LINGO1: variants seen among roughly 807,000 people sequenced by gnomAD.
The protein encoded by LINGO1 is leucine rich repeat and Ig domain containing 1.
A neutral mutation model predicts 37.3 loss-of-function variants in LINGO1; 11 were observed. The ratio of observed to expected loss-of-function variants is 0.29; its 90% CI spans 0.19 to 0.49. The LOEUF (loss-of-function observed/expected upper bound fraction) is 0.49. LINGO1 is among the 20% of genes least tolerant of loss of function. The probability of loss-of-function intolerance (pLI) is 0.99; values close to 1 mark genes in which losing one functional copy is unlikely to be tolerated. For missense variants in LINGO1, 585 were observed against 878.2 expected (o/e 0.67, Z 4.22); for synonymous variants, 387 against 403.0 (o/e 0.96, Z 0.48).
chr15:77,704,439 C>A (rs920398099), intron 2 of LINGO1, among the ~76,000 whole-genome samples: 2 of 152,032 alleles, frequency 1.3e-5, no homozygotes, highest in Non-Finnish European at 2.9e-5. Context: ...AATCCCGACC[C>A]TGGTCAGACA....
chr15:77,703,887 T>C (rs886282544), intron 2 of LINGO1, among the ~76,000 whole-genome samples: 1 of 152,080 alleles, frequency 6.6e-6, no homozygotes, highest in Admixed American at 6.6e-5. Context: ...GTCCCCAGTC[T>C]AGGCAGAAAG....
intron 1 of LINGO1, among the ~76,000 whole-genome samples, chr15:77,777,957 A>AAGGG (rs1416442988): frequency 6.3e-5 from 9 of 142,102 alleles, no homozygotes; most frequent in African/African-American, 1.8e-4. Flanking sequence ...GGAATGAAGG[A>AAGGG]AGGGAGGGAG....
At chr15:77,721,979 G>C (rs913007424) in intron 2 of LINGO1, among the ~76,000 whole-genome samples, 1 of 151,986 alleles carries the variant, frequency 6.6e-6, no homozygotes, top group African/African-American at 2.4e-5. Flanking sequence ...TGCTCATCAA[G>C]TACCTGCTCA....
chr15:77,740,540 G>A (rs918107617), intron 1 of LINGO1, among the ~76,000 whole-genome samples: 1 of 152,156 alleles, frequency 6.6e-6, no homozygotes, highest in Non-Finnish European at 1.5e-5. Context: ...TGCCCACACA[G>A]GTCACGCTGT....
chr15:77,749,483 A>G (rs960546894), intron 1 of LINGO1, among the ~76,000 whole-genome samples: 13 of 152,358 alleles, frequency 8.5e-5, no homozygotes, highest in African/African-American at 3.1e-4. Flanking sequence ...AAGAAAACAA[A>G]AGAGACTCAG....
intron 2 of LINGO1, among the ~76,000 whole-genome samples, chr15:77,709,920 C>T (rs1478789624): frequency 3.3e-5 from 5 of 152,224 alleles, no homozygotes; most frequent in African/African-American, 4.8e-5. Flanking sequence ...AGACCCCACA[C>T]GGTGTCCCCA....
chr15:77,650,443 G>A (rs2074734805), intron 3 of LINGO1, among the ~76,000 whole-genome samples: 1 of 152,248 alleles, frequency 6.6e-6, no homozygotes, highest in Non-Finnish European at 1.5e-5. Flanking sequence ...AAGACTAGCA[G>A]AGGGTCGCCA....
chr15:77,645,271 T>C (rs1349756336), intron 3 of LINGO1, among the ~76,000 whole-genome samples: 2 of 152,100 alleles, frequency 1.3e-5, no homozygotes, highest in Non-Finnish European at 2.9e-5. Context: ...AGCCAGCTTG[T>C]AGGGACTCCA....
chr15:77,787,677 G>A (rs1264609183), upstream of LINGO1, among the ~76,000 whole-genome samples: 2 of 152,034 alleles, frequency 1.3e-5, no homozygotes, highest in Non-Finnish European at 1.5e-5. Context: ...CATCCCACAC[G>A]AGGCCGGTGT....
chr15:77,640,461 G>A (rs1176672654), intron 3 of LINGO1, among the ~76,000 whole-genome samples: 1 of 152,198 alleles, frequency 6.6e-6, no homozygotes, highest in Non-Finnish European at 1.5e-5. Flanking sequence ...CACATACTAG[G>A]TGCTTTTACA....
intron 2 of LINGO1, among the ~76,000 whole-genome samples, chr15:77,713,973 G>A (rs1686013260): frequency 6.6e-6 from 1 of 152,074 alleles, no homozygotes; most frequent in Non-Finnish European, 1.5e-5. Context: ...GGTGGTCCTT[G>A]GCTTTGCCCA....
At chr15:77,696,453 C>G (rs1185410079) in exon 1 of LINGO1, 2 of 152,494 alleles carry the variant, frequency 1.3e-5, no homozygotes, top group East Asian at 3.9e-4. Flanking sequence ...CCCTGAGCCT[C>G]TTGGAATCTC....
chr15:77,628,913 A>T (rs2142578460), intron 1 of LINGO1, among the ~76,000 whole-genome samples: 1 of 152,328 alleles, frequency 6.6e-6, no homozygotes, highest in East Asian at 1.9e-4. Context: ...ACCTACAAGG[A>T]TAAGATCATG....
intron 3 of LINGO1, among the ~76,000 whole-genome samples, chr15:77,659,001 C>CT (rs1214641102): frequency 1.3e-5 from 2 of 152,162 alleles, no homozygotes; most frequent in Admixed American, 1.3e-4. Flanking sequence ...GTGCAAAGGT[C>CT]ACAGATTGTA....
chr15:77,693,530 G>C (rs967166953), intron 1 of LINGO1, among the ~76,000 whole-genome samples: 2 of 152,192 alleles, frequency 1.3e-5, no homozygotes, highest in Non-Finnish European at 2.9e-5. Context: ...AAGGGCTTTG[G>C]ATTTCATCCC....
chr15:77,678,544 C>T (rs974628211), intron 2 of LINGO1, among the ~76,000 whole-genome samples: 1 of 152,118 alleles, frequency 6.6e-6, no homozygotes, highest in African/African-American at 2.4e-5. Context: ...CATAGTACTC[C>T]GTTGTTTATC....
intron 1 of LINGO1, among the ~76,000 whole-genome samples, chr15:77,620,389 C>T (rs1595989663): frequency 6.6e-6 from 1 of 152,244 alleles, no homozygotes; most frequent in Non-Finnish European, 1.5e-5. Context: ...AGCCATCAGA[C>T]CAGCACTGCA....
At chr15:77,701,210 A>G (rs2075778269), upstream of LINGO1, among the ~76,000 whole-genome samples, 1 of 152,160 alleles carries the variant, frequency 6.6e-6, no homozygotes, top group Admixed American at 6.5e-5. Context: ...TGACACAGGA[A>G]TTGGGTGCAT....
intron 2 of LINGO1, among the ~76,000 whole-genome samples, chr15:77,677,983 C>T (rs111846266): frequency 6.6e-6 from 1 of 152,200 alleles, no homozygotes; most frequent in African/African-American, 2.4e-5. Context: ...ACCCTCACCT[C>T]CCCTCCAGAC....
Sources: allele counts gnomAD v4.1 joint callset (sites outside exome capture counted in the v4.1 genomes callset), GRCh38; gene constraint gnomAD v4.1.1; transcripts MANE v1.5; gene names NCBI Gene and HGNC (gene_info 2026-07-23, HGNC 2026-07-21).